Variants in DNAJC3 observed in about 807,000 individuals in gnomAD.
DNAJC3 encodes the protein DnaJ heat shock protein family (Hsp40) member C3.
Under a neutral mutation model 68.6 loss-of-function variants are expected in DNAJC3, and 38 were observed. That is an observed-to-expected ratio of 0.55 (90% CI 0.43 to 0.73). The LOEUF (loss-of-function observed/expected upper bound fraction) is 0.73. Among genes scored for constraint, DNAJC3 ranks in the 30% least tolerant of loss-of-function variants. DNAJC3 has a pLI of 0.00. For synonymous variants in DNAJC3, 203 were observed against 204.0 expected (o/e 1.00, Z 0.04); for missense variants, 526 against 591.9 (o/e 0.89, Z 1.16).
In DNAJC3 at chr13:95,791,095, G is replaced by A. The variant is rs1233763218; in HGVS notation, c.*65G>A. On this transcript the variant is annotated 3_prime_UTR_variant, in exon 12 of 12. Transcript: ENST00000602402. ...TAAAAACAAAGAAATCTTGTTCCGG[G>A]ACCCTAATGAAAAAAAATTTCAAAT... 4 of 1,569,044 alleles carry A rather than the reference G, an allele frequency of 2.5e-6. No homozygotes were observed. The highest frequency in any genetic ancestry group is 4.5e-5 in the East Asian group (2 of 44,548).
chr13:95,746,514 A>T lies in DNAJC3; in HGVS notation c.394-11130A>T, dbSNP rs1250684364. On this transcript the variant is annotated intron_variant, in intron 4 of 11. Transcript: ENST00000602402. ...TATTCCTATCTTTATTGTTGATACTATATAATGGATGATTTCTGAGTCTAG... is the reference window on the plus strand; with the variant it reads ...TATTCCTATCTTTATTGTTGATACTTTATAATGGATGATTTCTGAGTCTAG... Among the ~76,000 whole-genome samples, 6 of 152,340 alleles carry T rather than the reference A, an allele frequency of 3.9e-5. No individual in the cohort carries two copies. In the East Asian group the frequency reaches 1.2e-3, roughly 29 times the overall value.
At position 95,679,315 on chromosome 13, in the gene DNAJC3, CAG is replaced by C. The variant is rs1306001965; in HGVS notation, c.82+1981_82+1982del. Among the ~76,000 whole-genome samples, 3 of 142,450 alleles carry C rather than the reference CAG, an allele frequency of 2.1e-5. No homozygotes were observed. The Admixed American group carries it at 2.2e-4, about 11-fold the overall frequency. The allele number at this position is 142,450 out of a possible 152,430, so 93.5% of individuals were successfully genotyped here. A position where few individuals can be genotyped will look rare whatever the true frequency, so the allele number is the denominator to read the frequency against. On this transcript the variant is annotated intron_variant, in intron 1 of 11. Transcript: ENST00000602402. ...ATCGCACATGGAGGGCTTTTTAAAACAGAGTGCTGTACCCCACTTACAGAGTT... is the reference window on the plus strand; with the variant it reads ...ATCGCACATGGAGGGCTTTTTAAAACAGTGCTGTACCCCACTTACAGAGTT...
chr13:95,770,327 C>T (rs1401728176), intron 9 of DNAJC3, among the ~76,000 whole-genome samples: 1 of 151,868 alleles, frequency 6.6e-6, no homozygotes, highest in Non-Finnish European at 1.5e-5. Context: ...TGAACGAAGG[C>T]CTATATTTGT....
At chr13:95,726,613 GTTA>G (rs1330668320) in intron 4 of DNAJC3, among the ~76,000 whole-genome samples, 1 of 152,132 alleles carries the variant, frequency 6.6e-6, no homozygotes, top group Non-Finnish European at 1.5e-5. Context: ...GTTAGGGAAT[GTTA>G]CAGATTTTGT....
At chr13:95,789,689 T>C (rs1364532223) in intron 11 of DNAJC3, among the ~76,000 whole-genome samples, 2 of 152,226 alleles carry the variant, frequency 1.3e-5, no homozygotes, top group Non-Finnish European at 2.9e-5. Flanking sequence ...GATTGCTGAG[T>C]TGAATGGTAT....
Position 95,755,533 on chromosome 13 carries a change from C to T in DNAJC3, c.394-2111C>T, listed in dbSNP as rs867958531. ...CAGCACTTTGGGAGGCTGAGGCGGG[C>T]GGATCACAAGGTCAGGAGTTCGAGA... On this transcript the variant is annotated intron_variant, in intron 4 of 11. Transcript: ENST00000602402. Among the ~76,000 whole-genome samples, 27 of 151,644 alleles carry T rather than the reference C, an allele frequency of 1.8e-4. 1 individual carries two copies. The South Asian group carries it at 2.5e-3, about 14-fold the overall frequency.
chr13:95,749,221 A>G (rs1882399838), intron 4 of DNAJC3, among the ~76,000 whole-genome samples: 1 of 152,198 alleles, frequency 6.6e-6, no homozygotes, highest in Non-Finnish European at 1.5e-5. Context: ...TTTCTTGAAG[A>G]TTTTAAGTGG....
chr13:95,692,054 G>GGAGAGGGAGACCGTGGAAA (rs1880285528), intron 1 of DNAJC3, among the ~76,000 whole-genome samples: 1 of 146,182 alleles, frequency 6.8e-6, no homozygotes, highest in Non-Finnish European at 1.5e-5. Flanking sequence ...GGAAAGAGAG[G>GGAGAGGGAGACCGTGGAAA]GAGAGGGAGA....
intron 2 of DNAJC3, among the ~76,000 whole-genome samples, chr13:95,711,431 G>C (rs964706781): frequency 2.6e-5 from 4 of 152,104 alleles, no homozygotes; most frequent in African/African-American, 9.7e-5. Context: ...CAGGGGCCCG[G>C]AGGTTGCAGT....
intron 1 of DNAJC3, among the ~76,000 whole-genome samples, chr13:95,699,849 G>A (rs992083225): frequency 6.6e-6 from 1 of 151,452 alleles, no homozygotes; most frequent in Non-Finnish European, 1.5e-5. Context: ...AAACATTTTT[G>A]TTTGAGACAG....
intron 11 of DNAJC3, 146 bp from the exon 12 acceptor site, chr13:95,790,726 TG>T: frequency 1.1e-6 from 1 of 925,376 alleles, no homozygotes; most frequent in Non-Finnish European, 1.6e-6. Context: ...TGGGAGAGCC[TG>T]GATTTGAATG....
At chr13:95,731,935 G>A (rs961412779) in intron 4 of DNAJC3, among the ~76,000 whole-genome samples, 7 of 140,660 alleles carry the variant, frequency 5.0e-5, no homozygotes, top group Admixed American at 1.5e-4. Flanking sequence ...AGACTGGGTC[G>A]CACTTTGTTG....
chr13:95,690,514 CGG>C (rs1195500959), intron 1 of DNAJC3, among the ~76,000 whole-genome samples: 1 of 149,124 alleles, frequency 6.7e-6, no homozygotes, highest in Non-Finnish European at 1.5e-5. Context: ...ACCTCCCAGA[CGG>C]GGTGGTGGCC....
rs1382325956 is a variant in DNAJC3, at chr13:95,794,896, GA to G, written c.*3869del. The G allele has an allele frequency of 1.3e-5, 2 of 152,238 alleles. No individual in the cohort carries two copies. The highest frequency in any genetic ancestry group is 2.9e-5 in the Non-Finnish European group (2 of 68,042). 9.4% of individuals were successfully genotyped at this position (152,238 alleles called of 1,614,324 possible). Reference sequence around the variant, plus strand: ...TTAATAAAAAAGGAACCTAATATTTGAAATGGGTCTCAGACATGTCTACAAA... The same window carrying G: ...TTAATAAAAAAGGAACCTAATATTTGAATGGGTCTCAGACATGTCTACAAA... On this transcript the variant is annotated 3_prime_UTR_variant, in exon 12 of 12. Transcript: ENST00000602402.
intron 1 of DNAJC3, among the ~76,000 whole-genome samples, chr13:95,685,346 T>C (rs935723698): frequency 6.6e-5 from 10 of 152,234 alleles, no homozygotes; most frequent in Non-Finnish European, 1.3e-4. Flanking sequence ...GCCCGTAGCC[T>C]TTTTCTTTTG....
rs749930002 is a variant in DNAJC3 at position 95,791,076 on chromosome 13, CAAAG to C, written c.*50_*53del. On this transcript the variant is annotated 3_prime_UTR_variant, in exon 12 of 12. Transcript: ENST00000602402. ...TCTTAATTTTTTTAAAGATTAAAAA[CAAAG>C]AAATCTTGTTCCGGGACCCTAATGA... 15 of 1,592,284 alleles carry C rather than the reference CAAAG, an allele frequency of 9.4e-6. No homozygotes were observed. Among genetic ancestry groups the C allele is most frequent in the Middle Eastern group, 1.7e-4 (1 of 5,940 alleles).
At chr13:95,771,387 T>C (rs553205416) in intron 9 of DNAJC3, among the ~76,000 whole-genome samples, 4 of 152,094 alleles carry the variant, frequency 2.6e-5, no homozygotes, top group Admixed American at 2.0e-4. Context: ...TGCAGTGGGG[T>C]CTTGTACTGG....
intron 7 of DNAJC3, among the ~76,000 whole-genome samples, chr13:95,762,994 T>G (rs1344002902): frequency 6.6e-6 from 1 of 152,260 alleles, no homozygotes; most frequent in Non-Finnish European, 1.5e-5. Flanking sequence ...TGTAGCACTT[T>G]GGGAATAGTG....
At chr13:95,688,965 T>TGTGTGTGTGTGTGC (rs1491401957) in intron 1 of DNAJC3, among the ~76,000 whole-genome samples, 6 of 130,910 alleles carry the variant, frequency 4.6e-5, no homozygotes, top group African/African-American at 1.6e-4. Context: ...TGTGTGTGTG[T>TGTGTGTGTGTGTGC]GCGCGCTGTT....
Sources: allele counts gnomAD v4.1 joint callset (sites outside exome capture counted in the v4.1 genomes callset), GRCh38; gene constraint gnomAD v4.1.1; transcripts MANE v1.5; gene names NCBI Gene and HGNC (gene_info 2026-07-23, HGNC 2026-07-21).